KYNU: variants seen among roughly 807,000 people sequenced by gnomAD.
KYNU encodes the protein L-kynurenine hydrolase.
KYNU carries 54 observed loss-of-function variants against 59.2 expected under a neutral mutation model. The ratio of observed to expected loss-of-function variants is 0.91; its 90% CI spans 0.73 to 1.14. The LOEUF is 1.14. KYNU is among the 50% of genes most tolerant of loss of function. The pLI is 0.00. For missense variants in KYNU, 567 were observed against 554.4 expected, an observed-to-expected ratio of 1.02 and a Z score of -0.23; for synonymous variants, 177 against 192.0, an observed-to-expected ratio of 0.92 and a Z score of 0.65.
intron 3 of KYNU, among the ~76,000 whole-genome samples, chr2:142,922,194 G>A (rs1444798811): frequency 1.3e-5 from 2 of 152,150 alleles, no homozygotes; most frequent in African/African-American, 4.8e-5. Flanking sequence ...AGTTGAAAAA[G>A]ATAATGTTAA....
At chr2:142,932,099 T>C (rs549433881) in intron 4 of KYNU, among the ~76,000 whole-genome samples, 2 of 152,086 alleles carry the variant, frequency 1.3e-5, no homozygotes, top group Non-Finnish European at 2.9e-5. Flanking sequence ...AGAGGGAGCC[T>C]TGGGGTGACA....
intron 10 of KYNU, chr2:142,989,618 T>C (rs1685332594): frequency 4.3e-6 from 2 of 465,146 alleles, no homozygotes; most frequent in Admixed American, 6.4e-5. Context: ...TTCTTCTTTT[T>C]GACAATTTGA....
At chr2:142,951,153 A>C (rs1157225058) in intron 4 of KYNU, among the ~76,000 whole-genome samples, 2 of 152,268 alleles carry the variant, frequency 1.3e-5, no homozygotes, top group African/African-American at 4.8e-5. Flanking sequence ...AATTATCAAA[A>C]TGTGATACAG....
At chr2:142,886,230 T>C (rs1255289180) in intron 2 of KYNU, among the ~76,000 whole-genome samples, 3 of 152,222 alleles carry the variant, frequency 2.0e-5, no homozygotes, top group Non-Finnish European at 4.4e-5. Flanking sequence ...TGAATGGAAT[T>C]AGTCTACCAA....
intron 4 of KYNU, among the ~76,000 whole-genome samples, chr2:142,928,191 A>G (rs1208326508): frequency 1.3e-5 from 2 of 152,158 alleles, no homozygotes; most frequent in African/African-American, 4.8e-5. Context: ...TTTTAGCTTC[A>G]TGTTACTGAA....
chr2:142,887,699 T>C (rs12053522), intron 2 of KYNU, among the ~76,000 whole-genome samples: 65,300 of 151,934 alleles, frequency 0.43, 14,293 homozygotes, highest in South Asian at 0.56. Context: ...TTATACCAAG[T>C]ATCTAGATTG....
intron 10 of KYNU, among the ~76,000 whole-genome samples, chr2:143,017,314 A>T (rs1037749494): frequency 6.6e-6 from 1 of 152,028 alleles, no homozygotes; most frequent in Non-Finnish European, 1.5e-5. Context: ...TTTGAGAAAT[A>T]TCCAAACTGC....
At chr2:142,905,771 G>T (rs1373187279) in intron 2 of KYNU, among the ~76,000 whole-genome samples, 1 of 152,170 alleles carries the variant, frequency 6.6e-6, no homozygotes, top group Non-Finnish European at 1.5e-5. Context: ...GGGTTACTGG[G>T]TTAAGAATTT....
intron 6 of KYNU, among the ~76,000 whole-genome samples, chr2:142,956,544 A>G (rs1684171915): frequency 6.6e-6 from 1 of 152,216 alleles, no homozygotes; most frequent in Non-Finnish European, 1.5e-5. Flanking sequence ...GCTCTAAATC[A>G]AGTGCAGTTA....
At chr2:142,933,970 T>C (rs1014247340) in intron 4 of KYNU, among the ~76,000 whole-genome samples, 2 of 151,850 alleles carry the variant, frequency 1.3e-5, no homozygotes, top group Non-Finnish European at 2.9e-5. Flanking sequence ...AACAGAAAAA[T>C]GGGTGGTATT....
chr2:142,966,422 A>G (rs1324259954), intron 8 of KYNU, among the ~76,000 whole-genome samples: 1 of 152,168 alleles, frequency 6.6e-6, no homozygotes, highest in Non-Finnish European at 1.5e-5. Flanking sequence ...AGAAATGGCA[A>G]CATTTACTTC....
At chr2:143,004,300 GCT>G (rs1234003239) in intron 10 of KYNU, among the ~76,000 whole-genome samples, 1 of 152,222 alleles carries the variant, frequency 6.6e-6, no homozygotes, top group Non-Finnish European at 1.5e-5. Context: ...CTGGTGCCCA[GCT>G]CTCTACTGGT....
rs1240633826 is a variant in KYNU at position 143,040,498 on chromosome 2, T to C, written c.1112T>C (p.Leu371Pro). The change falls in exon 13 of 14, where the codon CTG becomes CCG. Residue 371 changes from leucine (L) to proline (P), a missense_variant. Leu to Pro is a moderately conservative substitution (Grantham distance 98). Coordinates refer to ENST00000264170, the MANE Select transcript of KYNU (RefSeq NM_003937.3). Reference sequence around the variant, plus strand: ...TTGCTAACTGGCTATCTGGAATACCTGATCAAGCATAACTATGGCAAAGAT... The same window carrying C: ...TTGCTAACTGGCTATCTGGAATACCCGATCAAGCATAACTATGGCAAAGAT... ...SVLLTGYLEY[L>P]IKHNYGKDKA... 1.2e-6 allele frequency: 2 copies of C among 1,613,336 alleles called. No individual in the cohort carries two copies. Among genetic ancestry groups the C allele is most frequent in the Admixed American group, 3.3e-5 (2 of 59,838 alleles).
chr2:142,979,494 A>C (rs142811240), intron 8 of KYNU, among the ~76,000 whole-genome samples: 3 of 152,302 alleles, frequency 2.0e-5, no homozygotes, highest in African/African-American at 7.2e-5. Flanking sequence ...TGGTTAAAGA[A>C]TCTTCACTCA....
At chr2:142,943,993 C>T (rs886188657) in intron 4 of KYNU, among the ~76,000 whole-genome samples, 1 of 152,190 alleles carries the variant, frequency 6.6e-6, no homozygotes, top group African/African-American at 2.4e-5. Flanking sequence ...TTGTCATCCC[C>T]ACTTTGCAAG....
At chr2:142,952,180 G>A (rs529677034) in intron 4 of KYNU, among the ~76,000 whole-genome samples, 79 of 152,086 alleles carry the variant, frequency 5.2e-4, no homozygotes, top group African/African-American at 1.8e-3. Flanking sequence ...AGGCTCAAGC[G>A]ATTCTCCAAC....
chr2:142,971,154 G>A (rs1181836440), intron 8 of KYNU: 1 of 152,132 alleles, frequency 6.6e-6, no homozygotes, highest in Non-Finnish European at 1.5e-5. Flanking sequence ...GACAACAATG[G>A]ACCTTCATTC....
At chr2:142,891,158 T>C (rs1274475660) in intron 2 of KYNU, among the ~76,000 whole-genome samples, 4 of 152,330 alleles carry the variant, frequency 2.6e-5, no homozygotes, top group African/African-American at 9.6e-5. Context: ...TCAATTGAAG[T>C]ATAATTTATG....
At chr2:142,887,277 C>T (rs1451406263) in intron 2 of KYNU, among the ~76,000 whole-genome samples, 3 of 152,156 alleles carry the variant, frequency 2.0e-5, no homozygotes, top group East Asian at 3.9e-4. Flanking sequence ...TTTTCTATGA[C>T]TACTATTAAA....
Sources: gnomAD v4.1 joint callset for allele counts (sites outside exome capture counted in the v4.1 genomes callset) on GRCh38, gnomAD v4.1.1 for gene constraint, MANE v1.5 for transcripts, NCBI Gene and HGNC (gene_info 2026-07-23, HGNC 2026-07-21) for gene names.